Variants in KCNMA1 observed in about 807,000 individuals in gnomAD.
The protein encoded by KCNMA1 is Calcium-activated potassium channel subunit alpha-1.
KCNMA1 carries 29 observed loss-of-function variants against 140.0 expected under a neutral mutation model. That is an observed-to-expected ratio of 0.21 (90% CI 0.15 to 0.28). The LOEUF (loss-of-function observed/expected upper bound fraction) is 0.28, where lower values mean the gene tolerates loss of function less well. KCNMA1 is among the 10% of genes least tolerant of loss of function. The pLI is 1.00. For synonymous variants in KCNMA1, 612 were observed against 611.9 expected, an observed-to-expected ratio of 1.00 and a Z score of 0.00; for missense variants, 880 against 1,602.2, an observed-to-expected ratio of 0.55 and a Z score of 7.70.
chr10:77,060,810 TAGG>T lies in KCNMA1; in HGVS notation c.1749+12284_1749+12286del, dbSNP rs1451539787. The stretch of plus-strand genomic sequence containing the variant: ...GGAGGTTTGGCTAAAGAAGAAGAAA[TAGG>T]AGATGTGACAATGGAAGCACAATGT... On this transcript the variant is annotated intron_variant, in intron 14 of 27. Transcript: ENST00000286628. Among the ~76,000 whole-genome samples, 4 of 152,084 alleles carry T rather than the reference TAGG, an allele frequency of 2.6e-5. No homozygotes were observed. The East Asian group carries it at 7.7e-4, about 29-fold the overall frequency.
At chr10:77,506,081 G>A (rs2045695863) in intron 1 of KCNMA1, among the ~76,000 whole-genome samples, 1 of 152,198 alleles carries the variant, frequency 6.6e-6, no homozygotes. Flanking sequence ...TTAGGGAATT[G>A]TAAAAGGAAT....
chr10:77,459,000 C>A (rs2097804960), intron 1 of KCNMA1, among the ~76,000 whole-genome samples: 2 of 152,160 alleles, frequency 1.3e-5, no homozygotes, highest in South Asian at 4.1e-4. Flanking sequence ...AGAGCTGTGT[C>A]ATCTGAGGGG....
intron 2 of KCNMA1, among the ~76,000 whole-genome samples, chr10:77,312,718 C>T (rs539736906): frequency 6.6e-6 from 1 of 152,282 alleles, no homozygotes; most frequent in South Asian, 2.1e-4. Flanking sequence ...GTTGGAAGTA[C>T]AAGCCACATG....
intron 1 of KCNMA1, among the ~76,000 whole-genome samples, chr10:77,456,390 C>T (rs371054449): frequency 2.7e-4 from 41 of 152,290 alleles, no homozygotes; most frequent in Middle Eastern, 6.8e-3. Context: ...AGACTCTACC[C>T]GCATCACTGT....
At chr10:76,872,153 TA>T (rs1221122753) in exon 28 of KCNMA1, 2 of 152,218 alleles carry the variant, frequency 1.3e-5, no homozygotes, top group African/African-American at 4.8e-5. Context: ...GGCAGGTTTT[TA>T]AAAATTTATG....
At chr10:77,313,055 G>A (rs1565909345) in intron 2 of KCNMA1, among the ~76,000 whole-genome samples, 1 of 152,188 alleles carries the variant, frequency 6.6e-6, no homozygotes, top group Non-Finnish European at 1.5e-5. Flanking sequence ...ACTTCCTGTT[G>A]CCAGTGGACT....
At chr10:77,301,636 A>G (rs537678067) in intron 2 of KCNMA1, among the ~76,000 whole-genome samples, 1 of 151,970 alleles carries the variant, frequency 6.6e-6, no homozygotes, top group Admixed American at 6.6e-5. Flanking sequence ...CATTTCACCA[A>G]CCACGAAGAT....
chr10:77,574,184 T>C (rs2073097351), intron 1 of KCNMA1, among the ~76,000 whole-genome samples: 1 of 152,062 alleles, frequency 6.6e-6, no homozygotes, highest in South Asian at 2.1e-4. Context: ...TCAAGCTGCA[T>C]CTCATGTGGT....
At chr10:77,223,731 G>A (rs776191158) in intron 3 of KCNMA1, among the ~76,000 whole-genome samples, 2 of 151,998 alleles carry the variant, frequency 1.3e-5, no homozygotes, top group South Asian at 4.2e-4. Flanking sequence ...TCTTTACACC[G>A]CACGGTTGCA....
intron 23 of KCNMA1, 100 bp from the exon 24 acceptor site, chr10:76,915,149 T>G (rs1039476927): frequency 2.6e-6 from 2 of 779,040 alleles, no homozygotes. Context: ...AAATGTAGCT[T>G]ATGCATTATT....
At chr10:77,115,103 A>G (rs760505927) in intron 6 of KCNMA1, among the ~76,000 whole-genome samples, 4 of 152,214 alleles carry the variant, frequency 2.6e-5, no homozygotes, top group Non-Finnish European at 5.9e-5. Flanking sequence ...TCATAACAAC[A>G]ATCTTTCTTC....
At chr10:77,106,284 A>G (rs1197549624) in intron 9 of KCNMA1, among the ~76,000 whole-genome samples, 2 of 152,168 alleles carry the variant, frequency 1.3e-5, no homozygotes, top group Non-Finnish European at 2.9e-5. Context: ...AGAGAGAGAG[A>G]GAGAGAAAAC....
At chr10:76,955,366 A>G (rs1591840475) in intron 20 of KCNMA1, among the ~76,000 whole-genome samples, 1 of 152,102 alleles carries the variant, frequency 6.6e-6, no homozygotes, top group African/African-American at 2.4e-5. Flanking sequence ...AAGCTTTTGA[A>G]TAACTACCAC....
intron 1 of KCNMA1, among the ~76,000 whole-genome samples, chr10:77,522,193 A>G (rs1287317653): frequency 6.6e-6 from 1 of 151,394 alleles, no homozygotes; most frequent in Admixed American, 6.6e-5. Context: ...AAATAAATAA[A>G]TAAATAAATA....
chr10:77,008,151 G>A (rs1427086285), intron 18 of KCNMA1: 9 of 1,530,952 alleles, frequency 5.9e-6, no homozygotes, highest in Non-Finnish European at 6.1e-6. Flanking sequence ...AGGGGGAACT[G>A]GACTCCGGGC....
intron 1 of KCNMA1, among the ~76,000 whole-genome samples, chr10:77,435,178 T>C (rs2097234965): frequency 6.6e-6 from 1 of 152,040 alleles, no homozygotes; most frequent in Non-Finnish European, 1.5e-5. Context: ...GCTCAAGCGA[T>C]CTTCCCGCCT....
At chr10:77,014,243 TG>T (rs2091511728) in intron 17 of KCNMA1, among the ~76,000 whole-genome samples, 1 of 152,052 alleles carries the variant, frequency 6.6e-6, no homozygotes, top group South Asian at 2.1e-4. Flanking sequence ...CTGGCCAACA[TG>T]GTGAAACCCT....
chr10:77,544,860 A>G (rs60061490), intron 1 of KCNMA1, among the ~76,000 whole-genome samples: 2 of 152,032 alleles, frequency 1.3e-5, no homozygotes, highest in Admixed American at 6.5e-5. Flanking sequence ...ATAACTTCTA[A>G]CCAATGGCAC....
chr10:77,083,719 C>T (rs1396586365), intron 12 of KCNMA1, among the ~76,000 whole-genome samples: 1 of 151,600 alleles, frequency 6.6e-6, no homozygotes, highest in East Asian at 1.9e-4. Context: ...CCTATAGCCT[C>T]GGCTACTTGG....
Sources: gnomAD v4.1 joint callset for allele counts (sites outside exome capture counted in the v4.1 genomes callset) on GRCh38, gnomAD v4.1.1 for gene constraint, MANE v1.5 for transcripts, NCBI Gene and HGNC (gene_info 2026-07-23, HGNC 2026-07-21) for gene names.